Variants in METTL15 observed in about 807,000 individuals in gnomAD.
METTL15 encodes methyltransferase 15, mitochondrial 12S rRNA N4-cytidine, also known as 12S rRNA N(4)-cytidine methyltransferase METTL15.
Under a neutral mutation model 38.3 loss-of-function variants are expected in METTL15, and 34 were observed. The observed-to-expected ratio is 0.89, with a 90% CI of 0.68 to 1.18. The LOEUF (loss-of-function observed/expected upper bound fraction) is 1.18, where lower values mean the gene tolerates loss of function less well. Ranked by LOEUF, METTL15 falls within the 50% of genes most tolerant of loss-of-function variation. METTL15 has a pLI of 0.00. For missense variants in METTL15, 438 were observed against 498.4 expected, an observed-to-expected ratio of 0.88 and a Z score of 1.15; for synonymous variants, 162 against 170.9, an observed-to-expected ratio of 0.95 and a Z score of 0.41.
chr11:28,511,478 C>T (rs1029526292), intron 6 of METTL15, among the ~76,000 whole-genome samples: 4 of 152,070 alleles, frequency 2.6e-5, no homozygotes, highest in South Asian at 2.1e-4. Context: ...TGTGGACCCT[C>T]GCTGTGAGTG....
chr11:28,518,911 A>T (rs1205422517), intron 6 of METTL15, among the ~76,000 whole-genome samples: 1 of 152,234 alleles, frequency 6.6e-6, no homozygotes, highest in East Asian at 1.9e-4. Context: ...ATAACTGAGT[A>T]CATAAGCTTG....
chr11:28,219,716 C>G (rs574587974), intron 4 of METTL15, among the ~76,000 whole-genome samples: 37 of 152,184 alleles, frequency 2.4e-4, no homozygotes, highest in African/African-American at 8.4e-4. Flanking sequence ...AAATTTCCCT[C>G]TACACACTGC....
At chr11:28,116,724 C>A (rs1384400833) in intron 3 of METTL15, among the ~76,000 whole-genome samples, 2 of 152,118 alleles carry the variant, frequency 1.3e-5, no homozygotes, top group Admixed American at 6.5e-5. Flanking sequence ...TATACACAGG[C>A]AAGTTTACAC....
chr11:28,219,241 G>C (rs916696109), intron 4 of METTL15, among the ~76,000 whole-genome samples: 2 of 152,136 alleles, frequency 1.3e-5, no homozygotes, highest in Non-Finnish European at 2.9e-5. Flanking sequence ...TTCAGAGCCT[G>C]TTATTGGTCT....
At chr11:28,278,656 C>T (rs1855932630) in intron 4 of METTL15, among the ~76,000 whole-genome samples, 1 of 152,134 alleles carries the variant, frequency 6.6e-6, no homozygotes, top group Non-Finnish European at 1.5e-5. Flanking sequence ...CTCTTCAGTC[C>T]TTACCTCTCT....
At chr11:28,519,066 T>C (rs1236492706) in intron 6 of METTL15, 1 of 152,268 alleles carries the variant, frequency 6.6e-6, no homozygotes, top group Non-Finnish European at 1.5e-5. Flanking sequence ...TGAAAACCAC[T>C]GTTGACTTTT....
In METTL15 at chr11:28,296,851, A is replaced by G. The variant is rs1172747954; in HGVS notation, c.698A>G (p.Lys233Arg). The change falls in exon 6 of 7, where the codon AAG (lysine) becomes AGG (arginine). Residue 233 changes from lysine to arginine, a missense_variant. Physicochemically the swap from Lys to Arg is conservative, Grantham distance 26. Transcript: ENST00000407364. ...ACATACGGGGAGGAGAAGCATGCCA[A>G]GAAAATCGCTTCAGCAATTGTTCAG... ...LRTYGEEKHAKKIASAIVQAR... is the reference protein window; with the variant it reads ...LRTYGEEKHARKIASAIVQAR... The G allele has an allele frequency of 1.9e-6, 3 of 1,613,606 alleles. No homozygotes were observed. The highest frequency in any genetic ancestry group is 1.7e-4 in the Middle Eastern group (1 of 6,056).
chr11:28,157,854 A>G (rs1001318577), intron 3 of METTL15, among the ~76,000 whole-genome samples: 1 of 152,186 alleles, frequency 6.6e-6, no homozygotes, highest in African/African-American at 2.4e-5. Context: ...TGACAGCGGA[A>G]GAGAAGACTA....
At chr11:28,254,284 T>C (rs746902325) in intron 4 of METTL15, among the ~76,000 whole-genome samples, 1 of 152,196 alleles carries the variant, frequency 6.6e-6, no homozygotes, top group African/African-American at 2.4e-5. Flanking sequence ...TCTTCTTTTG[T>C]GAAATGACTA....
intron 6 of METTL15, among the ~76,000 whole-genome samples, chr11:28,469,579 A>G (rs998627242): frequency 2.8e-4 from 43 of 152,182 alleles, no homozygotes; most frequent in African/African-American, 1.0e-3. Flanking sequence ...AAAGTTATTT[A>G]ACCTTTATGT....
At chr11:28,310,833 C>T (rs902701044) in intron 6 of METTL15, among the ~76,000 whole-genome samples, 4 of 150,798 alleles carry the variant, frequency 2.7e-5, no homozygotes, top group African/African-American at 7.3e-5. Flanking sequence ...AATCTCTTTC[C>T]GTCTCCACCA....
At chr11:28,390,976 A>G (rs879741779) in intron 5 of METTL15, among the ~76,000 whole-genome samples, 15 of 152,072 alleles carry the variant, frequency 9.9e-5, no homozygotes, top group Non-Finnish European at 1.9e-4. Flanking sequence ...TAAGTATTTT[A>G]TTCTCTTTGA....
intron 3 of METTL15, among the ~76,000 whole-genome samples, chr11:28,209,555 A>G (rs1328176449): frequency 6.6e-6 from 1 of 152,094 alleles, no homozygotes; most frequent in Non-Finnish European, 1.5e-5. Flanking sequence ...GTCACACTAC[A>G]ACATTTGTGT....
intron 6 of METTL15, among the ~76,000 whole-genome samples, chr11:28,468,852 A>G (rs1851279294): frequency 1.3e-5 from 2 of 152,288 alleles, no homozygotes; most frequent in Middle Eastern, 3.4e-3. Context: ...TGGTTGAATG[A>G]AAGATTGAAT....
intron 4 of METTL15, among the ~76,000 whole-genome samples, chr11:28,286,837 C>G (rs779125270): frequency 1.3e-5 from 2 of 151,752 alleles, no homozygotes; most frequent in Non-Finnish European, 2.9e-5. Context: ...GATATTATGT[C>G]TGTCAGGATT....
At chr11:28,345,633 AC>A (rs1439960038) in intron 3 of METTL15, among the ~76,000 whole-genome samples, 2 of 152,090 alleles carry the variant, frequency 1.3e-5, no homozygotes, top group African/African-American at 4.8e-5. Context: ...CAATGCAGCA[AC>A]CCTTACGTAT....
chr11:28,300,328 T>C (rs1419682015), intron 6 of METTL15, among the ~76,000 whole-genome samples: 1 of 152,120 alleles, frequency 6.6e-6, no homozygotes, highest in Non-Finnish European at 1.5e-5. Flanking sequence ...AAAATCCATA[T>C]TGATGGAAAT....
chr11:28,349,223 T>A (rs543907043), intron 3 of METTL15, among the ~76,000 whole-genome samples: 1 of 152,258 alleles, frequency 6.6e-6, no homozygotes, highest in East Asian at 1.9e-4. Context: ...AACCTGGTTC[T>A]CATTATTCAC....
intron 6 of METTL15, among the ~76,000 whole-genome samples, chr11:28,514,030 G>C (rs1333285030): frequency 2.0e-5 from 3 of 152,234 alleles, no homozygotes; most frequent in Non-Finnish European, 4.4e-5. Flanking sequence ...AGAAACTCGA[G>C]GGAAGGTACA....
Sources: allele counts gnomAD v4.1 joint callset (sites outside exome capture counted in the v4.1 genomes callset), GRCh38; gene constraint gnomAD v4.1.1; transcripts MANE v1.5; gene names NCBI Gene and HGNC (gene_info 2026-07-23, HGNC 2026-07-21).